RNF17: variants seen among roughly 807,000 people sequenced by gnomAD.
RNF17 encodes the protein ring finger protein 17.
RNF17 carries 31 observed loss-of-function variants against 200.5 expected under a neutral mutation model. The ratio of observed to expected loss-of-function variants is 0.15; its 90% CI spans 0.12 to 0.21. RNF17 has a LOEUF of 0.21. RNF17 is among the 10% of genes least tolerant of loss of function. RNF17 has a pLI of 1.00. For synonymous variants in RNF17, 606 were observed against 637.8 expected (o/e 0.95, Z 0.75); for missense variants, 1,628 against 1,905.1 (o/e 0.85, Z 2.71).
At chr13:24,749,574 G>A in the RNF17 span, among the ~76,000 whole-genome samples, 1 of 152,096 alleles carries the variant, frequency 6.6e-6, no homozygotes, top group African/African-American at 2.4e-5. Context: ...CATGCAATGA[G>A]CTTTTGACTA....
chr13:24,767,220 T>C, intron 1 of RNF17, 52 bp from the exon 2 acceptor site: 1 of 1,290,938 alleles, frequency 7.7e-7, no homozygotes, highest in South Asian at 1.3e-5. Context: ...CAAGACCCTG[T>C]CTCAATAATC....
the RNF17 span, chr13:24,886,296 G>T: frequency 7.8e-7 from 1 of 1,288,800 alleles, no homozygotes; most frequent in Non-Finnish European, 1.0e-6. Context: ...TAACAGAGCT[G>T]GATGTTACGG....
intron 1 of RNF17, among the ~76,000 whole-genome samples, chr13:24,766,463 A>G (rs1879710656): frequency 6.6e-6 from 1 of 152,238 alleles, no homozygotes; most frequent in South Asian, 2.1e-4. Flanking sequence ...ATTTCCTTTC[A>G]TAAATGCTAA....
chr13:24,766,754 T>C (rs1879755843), intron 1 of RNF17, among the ~76,000 whole-genome samples: 1 of 152,244 alleles, frequency 6.6e-6, no homozygotes, highest in Non-Finnish European at 1.5e-5. Flanking sequence ...TTAACTGTGA[T>C]ATTTACAAAT....
At chr13:24,842,205 G>C (rs1432969196) in intron 19 of RNF17, 44 bp downstream of exon 19, 1 of 1,507,250 alleles carries the variant, frequency 6.6e-7, no homozygotes, top group Non-Finnish European at 9.0e-7. Context: ...ATGTTCTTAT[G>C]TAACATTGTA....
intron 15 of RNF17, among the ~76,000 whole-genome samples, chr13:24,805,405 C>G (rs1051938613): frequency 3.3e-5 from 5 of 152,114 alleles, no homozygotes; most frequent in Admixed American, 1.3e-4. Context: ...CTTTCTGTCT[C>G]TATGAAATTG....
At position 24,827,626 on chromosome 13, in the gene RNF17, C is replaced by T. The variant is rs978194440; in HGVS notation, c.2245+1854C>T. Among the ~76,000 whole-genome samples, 23 of 133,714 alleles carry T rather than the reference C, an allele frequency of 1.7e-4. No individual in the cohort carries two copies. The South Asian group carries it at 4.6e-3, about 27-fold the overall frequency. The allele number at this position is 133,714 out of a possible 152,430, so 87.7% of individuals were successfully genotyped here. On this transcript the variant is annotated intron_variant, in intron 16 of 35. Coordinates refer to ENST00000255324, the MANE Select transcript of RNF17 (RefSeq NM_031277.3). Reference sequence around the variant, plus strand: ...CTGAGGCAGGAGAATGGCGTGAACCCGGGAGGCGGAGCTTGCAGTGAGCCG... The same window carrying T: ...CTGAGGCAGGAGAATGGCGTGAACCTGGGAGGCGGAGCTTGCAGTGAGCCG...
At chr13:24,841,792 C>T (rs1890663795) in intron 18 of RNF17, among the ~76,000 whole-genome samples, 1 of 152,060 alleles carries the variant, frequency 6.6e-6, no homozygotes, top group Non-Finnish European at 1.5e-5. Flanking sequence ...AACCCCGTCT[C>T]TACTAAAAAT....
intron 33 of RNF17, among the ~76,000 whole-genome samples, chr13:24,875,000 G>GT (rs1314592277): frequency 6.6e-6 from 1 of 152,122 alleles, no homozygotes; most frequent in Non-Finnish European, 1.5e-5. Flanking sequence ...ATTCATTCAT[G>GT]TTGTAGCATG....
At chr13:24,841,216 T>C (rs1481496186) in intron 18 of RNF17, among the ~76,000 whole-genome samples, 1 of 152,204 alleles carries the variant, frequency 6.6e-6, no homozygotes, top group Non-Finnish European at 1.5e-5. Flanking sequence ...ATAAACAGAA[T>C]TAAAAGTTAG....
At chr13:24,860,157 A>G (rs1892950858) in intron 26 of RNF17, among the ~76,000 whole-genome samples, 1 of 151,722 alleles carries the variant, frequency 6.6e-6, no homozygotes, top group South Asian at 2.1e-4. Flanking sequence ...GCAAAGTGAC[A>G]TACATTCGAG....
rs114728485 is a variant in RNF17 at position 24,877,063 on chromosome 13, G to A, written c.4650G>A (p.Gly1550=). 2,169 of 1,613,356 alleles carry A rather than the reference G, an allele frequency of 1.3e-3. 28 individuals are homozygous for A. In the African/African-American group the frequency reaches 0.026, roughly 19 times the overall value. ...GAGCCATAAAGGTTCTCTTGGCAGG[G>A]TTTAAACCTCCCTTAAGGGATCTAG... ...PARAIKVLLA[G]FKPPLRDLGE... The change falls in exon 34 of 36, where the codon GGG becomes GGA. Residue 1550 remains glycine, a synonymous_variant. Transcript: ENST00000255324.
chr13:24,874,019 G>C, intron 32 of RNF17, 95 bp from the exon 33 acceptor site: 1 of 1,228,054 alleles, frequency 8.1e-7, no homozygotes, highest in South Asian at 1.3e-5. Context: ...CAACAAACAT[G>C]GGGTACAAGT....
intron 17 of RNF17, 143 bp downstream of exon 17, chr13:24,830,742 G>C: frequency 1.5e-6 from 1 of 645,512 alleles, no homozygotes; most frequent in Non-Finnish European, 2.7e-6. Context: ...TGTTGCTGTG[G>C]TTACTATTGA....
chr13:24,751,433 T>A, the RNF17 span: 1 of 152,254 alleles, frequency 6.6e-6, no homozygotes, highest in East Asian at 1.9e-4. Context: ...GCTCTGGATG[T>A]TTATACGTCC....
Position 24,783,242 on chromosome 13 carries a change from C to T in RNF17, c.611+1298C>T, listed in dbSNP as rs76591466. Among the ~76,000 whole-genome samples, 293 of 152,246 alleles carry T rather than the reference C, an allele frequency of 1.9e-3. 1 individual carries two copies. Among genetic ancestry groups the T allele is most frequent in the African/African-American group, 6.7e-3 (280 of 41,544 alleles). Reference sequence around the variant, plus strand: ...TATTTCTGGGATTTCTGTTTTATTCCGTTGTTCTGTATGTCTTTCCTTATG... The same window carrying T: ...TATTTCTGGGATTTCTGTTTTATTCTGTTGTTCTGTATGTCTTTCCTTATG... On this transcript the variant is annotated intron_variant, in intron 6 of 35. Transcript: ENST00000255324.
chr13:24,821,143 A>G (rs981968505), intron 15 of RNF17, among the ~76,000 whole-genome samples: 2 of 151,928 alleles, frequency 1.3e-5, no homozygotes, highest in Non-Finnish European at 2.9e-5. Flanking sequence ...CATCACCCTG[A>G]TCTCTCCCTT....
At chr13:24,810,183 T>C (rs1459425491) in intron 15 of RNF17, among the ~76,000 whole-genome samples, 1 of 150,320 alleles carries the variant, frequency 6.7e-6, no homozygotes, top group Non-Finnish European at 1.5e-5. Context: ...TGAGTTCAAT[T>C]CCTGGGTATC....
intron 15 of RNF17, among the ~76,000 whole-genome samples, chr13:24,815,026 T>G (rs1887210971): frequency 6.6e-6 from 1 of 152,158 alleles, no homozygotes; most frequent in Non-Finnish European, 1.5e-5. Flanking sequence ...GGTGTGTGTA[T>G]GTAATTTGGG....
Sources: gnomAD v4.1 joint callset for allele counts (sites outside exome capture counted in the v4.1 genomes callset) on GRCh38, gnomAD v4.1.1 for gene constraint, MANE v1.5 for transcripts, NCBI Gene and HGNC (gene_info 2026-07-23, HGNC 2026-07-21) for gene names.